Variants in DLC1 observed in about 807,000 individuals in gnomAD.
DLC1 encodes rho GTPase-activating protein 7.
In DLC1, 54 loss-of-function variants were observed where a neutral mutation model predicts 140.3. The ratio of observed to expected loss-of-function variants is 0.38; its 90% CI spans 0.31 to 0.48. The LOEUF (loss-of-function observed/expected upper bound fraction) is 0.48. DLC1 is among the 20% of genes least tolerant of loss of function. The pLI is 0.96. For missense variants in DLC1, 2,536 were observed against 1,907.0 expected, an observed-to-expected ratio of 1.33 and a Z score of -6.14; for synonymous variants, 986 against 728.1, an observed-to-expected ratio of 1.35 and a Z score of -5.70.
intron 4 of DLC1, among the ~76,000 whole-genome samples, chr8:13,389,167 T>C (rs192480145): frequency 6.6e-6 from 1 of 152,238 alleles, no homozygotes; most frequent in East Asian, 1.9e-4. Context: ...TTGGCTCTTT[T>C]CTTCATAAAT....
chr8:13,156,475 A>G (rs928301312), intron 5 of DLC1, among the ~76,000 whole-genome samples: 31 of 152,290 alleles, frequency 2.0e-4, no homozygotes, highest in African/African-American at 7.2e-4. Flanking sequence ...TGCCCTGATG[A>G]AAACTCTTCT....
chr8:13,093,418 C>T (rs674979), intron 12 of DLC1, among the ~76,000 whole-genome samples: 128,527 of 152,060 alleles, frequency 0.85, 54,626 homozygotes, highest in East Asian at 0.94. Flanking sequence ...ATAAATAAAA[C>T]ACACTGAATT....
At chr8:13,242,747 T>A (rs1196084154) in intron 5 of DLC1, among the ~76,000 whole-genome samples, 1 of 152,170 alleles carries the variant, frequency 6.6e-6, no homozygotes, top group East Asian at 1.9e-4. Flanking sequence ...ATTTTCTTGC[T>A]TAGTGATGAT....
chr8:13,509,620 G>A (rs908334085), intron 1 of DLC1, among the ~76,000 whole-genome samples: 2 of 152,028 alleles, frequency 1.3e-5, no homozygotes, highest in Non-Finnish European at 2.9e-5. Context: ...TACTGTATTC[G>A]GTGTGTTACT....
rs1240713986 is a variant in DLC1, at chr8:13,321,480, G to T, written c.1315-16178C>A. On this transcript the variant is annotated intron_variant, in intron 4 of 17. Coordinates refer to ENST00000276297, the MANE Select transcript of DLC1 (RefSeq NM_182643.3). ...TTGAACCCAGGAGGCAGAAGTTGCAGTGAGCTGAGATCGCACCACTGCACT... is the reference window on the plus strand; with the variant it reads ...TTGAACCCAGGAGGCAGAAGTTGCATTGAGCTGAGATCGCACCACTGCACT... Among the ~76,000 whole-genome samples, 3 of 126,454 alleles carry T rather than the reference G, an allele frequency of 2.4e-5. No individual in the cohort carries two copies. In the Admixed American group the frequency reaches 3.3e-4, roughly 14 times the overall value. The allele number at this position is 126,454 out of a possible 152,430, so 83.0% of individuals were successfully genotyped here.
chr8:13,409,357 G>A (rs1189592999), intron 2 of DLC1, among the ~76,000 whole-genome samples: 3 of 152,070 alleles, frequency 2.0e-5, no homozygotes, highest in African/African-American at 7.2e-5. Context: ...TTTACTACAA[G>A]TAGAGAGCTT....
intron 1 of DLC1, among the ~76,000 whole-genome samples, chr8:13,585,567 C>G (rs142386484): frequency 1.8e-3 from 276 of 152,292 alleles, no homozygotes; most frequent in Non-Finnish European, 2.6e-3. Flanking sequence ...GATGTCAAAA[C>G]AACATACGTG....
At chr8:13,540,640 C>T (rs1803452214) in intron 1 of DLC1, among the ~76,000 whole-genome samples, 1 of 152,162 alleles carries the variant, frequency 6.6e-6, no homozygotes, top group African/African-American at 2.4e-5. Context: ...AATCAATTTC[C>T]TATTATCACC....
chr8:13,548,369 C>G (rs964580291), intron 1 of DLC1, among the ~76,000 whole-genome samples: 1 of 7,110 alleles, frequency 1.4e-4, no homozygotes, highest in Non-Finnish European at 7.7e-3. Flanking sequence ...TTGCTGTGTA[C>G]TACACACCCC....
At chr8:13,573,394 G>T (rs1185006265) in intron 1 of DLC1, among the ~76,000 whole-genome samples, 1 of 152,136 alleles carries the variant, frequency 6.6e-6, no homozygotes, top group South Asian at 2.1e-4. Context: ...AGGTATAAGA[G>T]TGTATCTACA....
intron 1 of DLC1, among the ~76,000 whole-genome samples, chr8:13,506,409 C>A (rs76223049): frequency 0.033 from 4,988 of 151,346 alleles, 273 homozygotes; most frequent in African/African-American, 0.11. Context: ...TTTTACTTTT[C>A]TTTTCTTACT....
At chr8:13,264,293 G>A (rs180908315) in intron 5 of DLC1, among the ~76,000 whole-genome samples, 112 of 151,970 alleles carry the variant, frequency 7.4e-4, no homozygotes, top group African/African-American at 2.5e-3. Flanking sequence ...GGCTGGTGTC[G>A]AACTCCTGAC....
At chr8:13,295,087 G>T (rs944736664) in intron 5 of DLC1, among the ~76,000 whole-genome samples, 38 of 152,134 alleles carry the variant, frequency 2.5e-4, no homozygotes, top group African/African-American at 9.2e-4. Flanking sequence ...GCTCAGTGGG[G>T]AAAATTTTGA....
chr8:13,213,743 G>T (rs1000048570), intron 5 of DLC1, among the ~76,000 whole-genome samples: 1 of 151,428 alleles, frequency 6.6e-6, no homozygotes, highest in African/African-American at 2.4e-5. Flanking sequence ...TGAGAATTTG[G>T]TAACTTGATG....
intron 14 of DLC1, 81 bp downstream of exon 14, chr8:13,091,237 A>G: frequency 7.3e-7 from 1 of 1,376,754 alleles, no homozygotes; most frequent in Non-Finnish European, 1.0e-6. Context: ...TTCAGGTAAG[A>G]CATGAACAAG....
chr8:13,107,968 C>T (rs1194141883), intron 7 of DLC1, among the ~76,000 whole-genome samples: 2 of 152,048 alleles, frequency 1.3e-5, no homozygotes, highest in Admixed American at 1.3e-4. Context: ...TTGCTTGAAC[C>T]TGGGAGGCGG....
intron 4 of DLC1, among the ~76,000 whole-genome samples, chr8:13,339,185 A>G (rs2116975230): frequency 6.6e-6 from 1 of 152,362 alleles, no homozygotes; most frequent in East Asian, 1.9e-4. Context: ...AGATTAAAAG[A>G]CATTGAAATG....
intron 1 of DLC1, among the ~76,000 whole-genome samples, chr8:13,589,628 A>G (rs73212172): frequency 0.14 from 21,481 of 150,050 alleles, 1,878 homozygotes; most frequent in African/African-American, 0.24. Context: ...CTATTTACAC[A>G]TTTCTTATTT....
intron 2 of DLC1, among the ~76,000 whole-genome samples, chr8:13,442,045 T>C (rs1798536437): frequency 6.6e-6 from 1 of 152,118 alleles, no homozygotes; most frequent in South Asian, 2.1e-4. Context: ...TCAGAAATAA[T>C]GCTGCATATC....
Sources: allele counts gnomAD v4.1 joint callset (sites outside exome capture counted in the v4.1 genomes callset), GRCh38; gene constraint gnomAD v4.1.1; transcripts MANE v1.5; gene names NCBI Gene and HGNC (gene_info 2026-07-23, HGNC 2026-07-21).